PRTG: variants seen among roughly 807,000 people sequenced by gnomAD.
PRTG encodes the protein immunoglobulin superfamily, DCC subclass, member 5.
Under a neutral mutation model 122.5 loss-of-function variants are expected in PRTG, and 67 were observed. The ratio of observed to expected loss-of-function variants is 0.55; its 90% CI spans 0.45 to 0.67. PRTG has a LOEUF of 0.67. Ranked by LOEUF, PRTG falls within the 30% of genes least tolerant of loss-of-function variation. PRTG has a pLI of 0.00. For synonymous variants in PRTG, 554 were observed against 501.1 expected, an observed-to-expected ratio of 1.11 and a Z score of -1.41; for missense variants, 1,435 against 1,415.4, an observed-to-expected ratio of 1.01 and a Z score of -0.22.
intron 12 of PRTG, 64 bp from the exon 13 acceptor site, chr15:55,639,892 A>G: frequency 6.3e-7 from 1 of 1,575,670 alleles, no homozygotes; most frequent in Non-Finnish European, 8.6e-7. Context: ...AAGTGGTAAA[A>G]TGGTAAAATA....
intron 2 of PRTG, among the ~76,000 whole-genome samples, chr15:55,739,027 G>A (rs1567122316): frequency 6.6e-6 from 1 of 152,108 alleles, no homozygotes; most frequent in Non-Finnish European, 1.5e-5. Context: ...GCAGGGGTAG[G>A]AGTGTGGCTA....
chr15:55,638,811 G>C (rs2059272698), intron 13 of PRTG, 135 bp from the exon 14 acceptor site: 2 of 720,482 alleles, frequency 2.8e-6, no homozygotes, highest in South Asian at 4.3e-5. Flanking sequence ...AAAATGTTTA[G>C]ACTAAAGAAC....
At position 55,664,423 on chromosome 15, in the gene PRTG, G is replaced by T. The variant is rs142501975; in HGVS notation, c.2041+8022C>A. Among the ~76,000 whole-genome samples the T allele has an allele frequency of 8.4e-3, 1,277 of 152,250 alleles. 16 individuals carry two copies. Among genetic ancestry groups the T allele is most frequent in the African/African-American group, 0.027 (1,115 of 41,532 alleles). On this transcript the variant is annotated intron_variant, in intron 11 of 19. Transcript: ENST00000389286. ...CTCCCAAAGTGCTGGGATTACAGGC[G>T]TGAGCCACTGCGCCTGGCCAAGATG...
chr15:55,678,354 G>A (rs561164040), intron 7 of PRTG, among the ~76,000 whole-genome samples: 3 of 152,082 alleles, frequency 2.0e-5, no homozygotes, highest in South Asian at 2.1e-4. Flanking sequence ...TAATCCTCTC[G>A]CCCTCTTGCC....
chr15:55,740,792 A>G (rs1387213684), intron 1 of PRTG, 108 bp from the exon 2 acceptor site: 14 of 942,324 alleles, frequency 1.5e-5, no homozygotes, highest in Admixed American at 2.9e-5. Flanking sequence ...GACGAAGTTT[A>G]ATAAATTTTA....
At position 55,672,483 on chromosome 15, in the gene PRTG, A is replaced by C; in HGVS notation, c.2003T>G (p.Leu668Trp). The change falls in exon 11 of 20, where the codon TTG (leucine) becomes TGG (tryptophan). Residue 668 changes from leucine to tryptophan, a missense_variant. Transcript: ENST00000389286. ...EGQQENGPIF[L>W]DTKDLLYTLS... ...AGTATAGAGTAGGTCCTTGGTATCC[A>C]AGAAAATGGGCCCATTCTCCTGCTG... is the stretch of plus-strand genomic sequence containing the variant. 6.2e-7 allele frequency: 1 copy of C among 1,614,132 alleles called. No homozygotes were observed. Among genetic ancestry groups the C allele is most frequent in the Non-Finnish European group, 8.5e-7 (1 of 1,180,008 alleles).
chr15:55,726,994 T>C (rs2031058570), intron 2 of PRTG, among the ~76,000 whole-genome samples: 1 of 151,034 alleles, frequency 6.6e-6, no homozygotes, highest in Non-Finnish European at 1.5e-5. Flanking sequence ...ACACCAAAAC[T>C]TATGGGATGC....
chr15:55,676,730 T>C (rs1330876446), intron 8 of PRTG, among the ~76,000 whole-genome samples: 1 of 152,160 alleles, frequency 6.6e-6, no homozygotes, highest in Non-Finnish European at 1.5e-5. Context: ...GTGGAGGCTC[T>C]AATGAAACAA....
chr15:55,706,048 G>A (rs1039456583), intron 2 of PRTG, among the ~76,000 whole-genome samples: 2 of 92,816 alleles, frequency 2.2e-5, no homozygotes, highest in African/African-American at 1.0e-4. Context: ...TTTTAGTAGA[G>A]ACGGGATTTC....
At chr15:55,740,801 TA>T in intron 1 of PRTG, 117 bp from the exon 2 acceptor site, 1 of 878,598 alleles carries the variant, frequency 1.1e-6, no homozygotes, top group Non-Finnish European at 1.7e-6. Context: ...TAATAAATTT[TA>T]TTAGTTAACT....
At chr15:55,732,757 G>C (rs1181869934) in intron 2 of PRTG, among the ~76,000 whole-genome samples, 2 of 152,006 alleles carry the variant, frequency 1.3e-5, no homozygotes, top group Non-Finnish European at 2.9e-5. Context: ...GCCTCTCAAA[G>C]TGCTGGAATT....
intron 8 of PRTG, among the ~76,000 whole-genome samples, chr15:55,676,404 G>A (rs2059503221): frequency 6.6e-6 from 1 of 152,102 alleles, no homozygotes; most frequent in Non-Finnish European, 1.5e-5. Flanking sequence ...AAGAGCATTG[G>A]CAGCCACTGT....
intron 17 of PRTG, among the ~76,000 whole-genome samples, chr15:55,625,009 A>C (rs2059187007): frequency 6.6e-6 from 1 of 152,228 alleles, no homozygotes; most frequent in Non-Finnish European, 1.5e-5. Flanking sequence ...CTATTTCATT[A>C]ACATAATGTT....
chr15:55,700,505 G>C (rs1293067362), intron 2 of PRTG, among the ~76,000 whole-genome samples: 2 of 152,076 alleles, frequency 1.3e-5, no homozygotes, highest in African/African-American at 4.8e-5. Flanking sequence ...CTTCTGGCTG[G>C]CAACGGTGGC....
intron 11 of PRTG, among the ~76,000 whole-genome samples, chr15:55,647,736 G>A (rs1408046600): frequency 6.6e-6 from 1 of 152,144 alleles, no homozygotes; most frequent in Non-Finnish European, 1.5e-5. Flanking sequence ...AACACATTTT[G>A]GAATCAACTT....
intron 11 of PRTG, among the ~76,000 whole-genome samples, chr15:55,663,666 G>C (rs8034113): frequency 0.78 from 117,749 of 151,638 alleles, 46,344 homozygotes; most frequent in Non-Finnish European, 0.83. Context: ...CTCAGCCTCC[G>C]AAGCAGCTGG....
At chr15:55,712,857 A>G (rs2030445510) in intron 2 of PRTG, among the ~76,000 whole-genome samples, 1 of 152,260 alleles carries the variant, frequency 6.6e-6, no homozygotes, top group Non-Finnish European at 1.5e-5. Flanking sequence ...CCAGATATTT[A>G]ATTTCAGAAG....
Position 55,619,869 on chromosome 15 carries a change from G to C in PRTG, c.*143C>G. On this transcript the variant is annotated 3_prime_UTR_variant, in exon 20 of 20. Transcript: ENST00000389286. ...TACCTGAGCATGGCCGTCTAGATTG[G>C]AAAATCATTTTTATCAAAGCATAGC... The C allele has an allele frequency of 1.4e-6, 2 of 1,419,796 alleles. No individual in the cohort carries two copies. Among genetic ancestry groups the C allele is most frequent in the South Asian group, 2.9e-5 (2 of 69,876 alleles). The allele number at this position is 1,419,796 out of a possible 1,614,324, so 87.9% of individuals were successfully genotyped here. A position where few individuals can be genotyped will look rare whatever the true frequency, so the allele number is the denominator to read the frequency against.
At chr15:55,729,783 C>G (rs1370560564) in intron 2 of PRTG, among the ~76,000 whole-genome samples, 1 of 152,102 alleles carries the variant, frequency 6.6e-6, no homozygotes, top group African/African-American at 2.4e-5. Flanking sequence ...ATAAAAGAGT[C>G]TCACTCCATT....
Sources: allele counts gnomAD v4.1 joint callset (sites outside exome capture counted in the v4.1 genomes callset), GRCh38; gene constraint gnomAD v4.1.1; transcripts MANE v1.5; gene names NCBI Gene and HGNC (gene_info 2026-07-23, HGNC 2026-07-21).